GABRA3: variants seen among roughly 807,000 people sequenced by gnomAD.
GABRA3 encodes the protein gamma-aminobutyric acid receptor subunit alpha-3.
Under a neutral mutation model 30.1 loss-of-function variants are expected in GABRA3, and 10 were observed. That is an observed-to-expected ratio of 0.33 (90% confidence interval 0.20 to 0.56). GABRA3 has a LOEUF of 0.56. GABRA3 is among the 20% of genes least tolerant of loss of function. The pLI, the probability that GABRA3 is intolerant of heterozygous loss-of-function variation, is 0.89. For synonymous variants in GABRA3, 151 were observed against 146.8 expected, an observed-to-expected ratio of 1.03 and a Z score of -0.21; for missense variants, 233 against 392.0, an observed-to-expected ratio of 0.59 and a Z score of 3.42.
intron 2 of GABRA3, among the ~76,000 whole-genome samples, chrX:152,349,217 G>A (rs757782202): frequency 9.3e-6 from 1 of 107,843 alleles, no homozygotes; most frequent in East Asian, 2.9e-4. Flanking sequence ...TTGCTCGTCT[G>A]TAAGAAGCAA....
intron 1 of GABRA3, among the ~76,000 whole-genome samples, chrX:152,434,012 A>G (rs1005884461): frequency 8.9e-6 from 1 of 112,008 alleles, no homozygotes; most frequent in Non-Finnish European, 1.9e-5. Context: ...TAAATATATT[A>G]AATGTATAAA....
chrX:152,426,266 C>T (rs1930512273), intron 1 of GABRA3, among the ~76,000 whole-genome samples: 1 of 111,424 alleles, frequency 9.0e-6, no homozygotes, highest in African/African-American at 3.3e-5. Context: ...ATAGTGGATA[C>T]CATCACCTAC....
At chrX:152,391,170 T>A (rs1266204845) in intron 1 of GABRA3, among the ~76,000 whole-genome samples, 1 of 111,886 alleles carries the variant, frequency 8.9e-6, no homozygotes, top group Non-Finnish European at 1.9e-5. Flanking sequence ...AACACGATAC[T>A]GTCAAAATTA....
At position 152,327,997 on chromosome X, in the gene GABRA3, G is replaced by A. The variant is rs1010030348; in HGVS notation, c.262+17584C>T. Among the ~76,000 whole-genome samples the A allele has an allele frequency of 5.1e-4, 57 of 110,774 alleles. 1 individual carries two copies. The highest frequency in any genetic ancestry group is 3.8e-4 in the South Asian group (1 of 2,626). ...AATGAGAGAAGAATCAAATAAACAC[G>A]ATAAAAAATGATAAAGGGGATATCA... On this transcript the variant is annotated intron_variant, in intron 3 of 9. Transcript: ENST00000370314.
At chrX:152,278,721 C>G (rs1453511872) in intron 4 of GABRA3, among the ~76,000 whole-genome samples, 2 of 111,934 alleles carry the variant, frequency 1.8e-5, no homozygotes, top group Non-Finnish European at 3.8e-5. Flanking sequence ...TTTACACTCT[C>G]ACCAACAGTG....
At chrX:152,328,013 G>C (rs757940890) in intron 3 of GABRA3, among the ~76,000 whole-genome samples, 40 of 111,556 alleles carry the variant, frequency 3.6e-4, no homozygotes, top group Non-Finnish European at 6.8e-4. Flanking sequence ...AAATGATAAA[G>C]GGGATATCAC....
At chrX:152,394,710 A>G (rs1391450970) in intron 1 of GABRA3, among the ~76,000 whole-genome samples, 1 of 112,609 alleles carries the variant, frequency 8.9e-6, no homozygotes, top group African/African-American at 3.2e-5. Context: ...ATCACAGTAT[A>G]TGAGCACAAA....
intron 5 of GABRA3, among the ~76,000 whole-genome samples, chrX:152,243,944 G>C (rs1938422872): frequency 8.9e-6 from 1 of 111,941 alleles, no homozygotes; most frequent in African/African-American, 3.2e-5. Flanking sequence ...TTAGTGACTT[G>C]GCTATTTGGT....
At chrX:152,250,027 T>C (rs1379102417) in intron 5 of GABRA3, among the ~76,000 whole-genome samples, 1 of 111,026 alleles carries the variant, frequency 9.0e-6, no homozygotes, top group Non-Finnish European at 1.9e-5. Flanking sequence ...TACATGTCTT[T>C]GTGTATACTA....
chrX:152,312,257 A>C (rs1413359745), intron 3 of GABRA3, among the ~76,000 whole-genome samples: 1 of 112,219 alleles, frequency 8.9e-6, no homozygotes, highest in Non-Finnish European at 1.9e-5. Flanking sequence ...TACAATAACC[A>C]AAACAGTATG....
chrX:152,390,482 A>T (rs952455762), intron 1 of GABRA3, among the ~76,000 whole-genome samples: 7 of 112,800 alleles, frequency 6.2e-5, no homozygotes, highest in Non-Finnish European at 1.1e-4. Flanking sequence ...TTTGAGGAAA[A>T]ATTAGAAATG....
intron 6 of GABRA3, among the ~76,000 whole-genome samples, chrX:152,216,524 A>G (rs193242409): frequency 6.1e-4 from 67 of 109,628 alleles, no homozygotes; most frequent in African/African-American, 2.1e-3. Flanking sequence ...ACATTATGTT[A>G]AATGAAGTGA....
intron 4 of GABRA3, among the ~76,000 whole-genome samples, chrX:152,277,933 G>A (rs1337441780): frequency 9.0e-6 from 1 of 111,321 alleles, no homozygotes; most frequent in African/African-American, 3.3e-5. Context: ...AGCAGTGTAT[G>A]GGGCCAAGGC....
At chrX:152,269,238 A>G (rs1376741470) in intron 4 of GABRA3, among the ~76,000 whole-genome samples, 1 of 112,152 alleles carries the variant, frequency 8.9e-6, no homozygotes, top group Non-Finnish European at 1.9e-5. Flanking sequence ...AATCCCATTT[A>G]CAATAACTGC....
chrX:152,254,882 G>A (rs781137495), intron 5 of GABRA3, among the ~76,000 whole-genome samples: 3 of 111,679 alleles, frequency 2.7e-5, no homozygotes, highest in South Asian at 3.7e-4. Context: ...AACTGATATC[G>A]GAGGAACAAG....
At chrX:152,371,785 T>G (rs1006838028) in intron 1 of GABRA3, among the ~76,000 whole-genome samples, 3 of 111,417 alleles carry the variant, frequency 2.7e-5, no homozygotes, top group African/African-American at 9.8e-5. Flanking sequence ...TCATTCAAAA[T>G]TTATGGAGTA....
At chrX:152,262,465 C>A (rs1397919783) in intron 4 of GABRA3, among the ~76,000 whole-genome samples, 2 of 112,083 alleles carry the variant, frequency 1.8e-5, no homozygotes, top group South Asian at 3.7e-4. Flanking sequence ...CCTAAATCAT[C>A]TCTTTCAAAT....
chrX:152,208,297 A>G (rs1232384804), intron 6 of GABRA3, among the ~76,000 whole-genome samples, 153 bp from the exon 7 acceptor site: 2 of 112,177 alleles, frequency 1.8e-5, no homozygotes, highest in African/African-American at 3.2e-5. Flanking sequence ...CCATCCGTCC[A>G]TCCATCCATC....
intron 1 of GABRA3, among the ~76,000 whole-genome samples, chrX:152,398,257 C>G (rs111448749): frequency 0.032 from 2,249 of 70,474 alleles, 31 homozygotes; most frequent in South Asian, 0.15. Flanking sequence ...TGGAGTTTTT[C>G]CACCTTTTTT....
Sources: gnomAD v4.1 joint callset for allele counts (sites outside exome capture counted in the v4.1 genomes callset) on GRCh38, gnomAD v4.1.1 for gene constraint, MANE v1.5 for transcripts, NCBI Gene and HGNC (gene_info 2026-07-23, HGNC 2026-07-21) for gene names.